Variants in NR5A2 observed in about 807,000 individuals in gnomAD.
NR5A2 encodes the protein CYP7A promoter-binding factor.
Under a neutral mutation model 62.7 loss-of-function variants are expected in NR5A2, and 26 were observed. The observed-to-expected ratio is 0.41, with a 90% confidence interval of 0.30 to 0.58. The LOEUF is 0.58. Ranked by LOEUF, NR5A2 falls within the 20% of genes least tolerant of loss-of-function variation. NR5A2 has a pLI of 0.22. For synonymous variants in NR5A2, 246 were observed against 241.7 expected, an observed-to-expected ratio of 1.02 and a Z score of -0.16; for missense variants, 541 against 669.1, an observed-to-expected ratio of 0.81 and a Z score of 2.11.
intron 1 of NR5A2, 141 bp downstream of exon 1, chr1:200,028,052 T>C (rs1197151572): frequency 4.1e-6 from 2 of 489,248 alleles, no homozygotes; most frequent in African/African-American, 2.0e-5. Flanking sequence ...CCTATGTATA[T>C]ATATCACACA....
chr1:200,105,133 A>AT (rs976975427), intron 5 of NR5A2, among the ~76,000 whole-genome samples: 3 of 151,638 alleles, frequency 2.0e-5, no homozygotes, highest in African/African-American at 4.8e-5. Context: ...TTTTTATTTT[A>AT]TTTTTTTGTA....
At chr1:200,144,389 A>G (rs1358983696) in intron 7 of NR5A2, among the ~76,000 whole-genome samples, 1 of 152,068 alleles carries the variant, frequency 6.6e-6, no homozygotes, top group Non-Finnish European at 1.5e-5. Context: ...TGCCCAACAA[A>G]CTGAGCAATT....
intron 5 of NR5A2, among the ~76,000 whole-genome samples, chr1:200,069,682 C>A (rs765419914): frequency 6.6e-6 from 1 of 152,142 alleles, no homozygotes; most frequent in Non-Finnish European, 1.5e-5. Flanking sequence ...TTTTGGAGGT[C>A]CTCATACTGC....
intron 6 of NR5A2, among the ~76,000 whole-genome samples, chr1:200,112,733 A>T (rs1328921549): frequency 6.6e-6 from 1 of 152,150 alleles, no homozygotes; most frequent in African/African-American, 2.4e-5. Context: ...TGTGCTTTCA[A>T]ATTTTTTTTG....
At chr1:200,167,797 A>G (rs1359677530) in intron 7 of NR5A2, among the ~76,000 whole-genome samples, 1 of 152,166 alleles carries the variant, frequency 6.6e-6, no homozygotes, top group Non-Finnish European at 1.5e-5. Context: ...GTTTGTATAT[A>G]GACCACTGTC....
chr1:200,062,309 A>G (rs1283332967), intron 5 of NR5A2, among the ~76,000 whole-genome samples: 2 of 150,134 alleles, frequency 1.3e-5, no homozygotes, highest in South Asian at 4.2e-4. Flanking sequence ...TCCTGTTTTC[A>G]CACACATTCT....
At chr1:200,033,469 C>T (rs1283603187) in intron 1 of NR5A2, among the ~76,000 whole-genome samples, 2 of 152,166 alleles carry the variant, frequency 1.3e-5, no homozygotes, top group East Asian at 3.9e-4. Flanking sequence ...AGTCCCACAC[C>T]CATGCTAGCA....
intron 5 of NR5A2, among the ~76,000 whole-genome samples, chr1:200,052,857 G>C (rs551353547): frequency 3.3e-5 from 5 of 152,120 alleles, no homozygotes; most frequent in Non-Finnish European, 7.4e-5. Context: ...AGCCAGGATG[G>C]TCTTGATCTC....
intron 7 of NR5A2, among the ~76,000 whole-genome samples, chr1:200,167,627 G>T (rs546242045): frequency 1.1e-4 from 16 of 152,092 alleles, no homozygotes; most frequent in Non-Finnish European, 2.2e-4. Flanking sequence ...CAGTGTTTCT[G>T]CCTTGCTTTT....
rs1490926111 is a variant in NR5A2 at position 200,062,257 on chromosome 1, G to GTGTGTGTGTGTGTGTGTGTGTGTA, written c.1110+13440_1110+13441insGTGTGTGTGTGTGTGTGTGTGTAT. ...TGTGTGTGTGTGTGTGTGTGTGTGT[G>GTGTGTGTGTGTGTGTGTGTGTGTA]TATCTGTGTCCATGTGTGTATCGCA... On this transcript the variant is annotated intron_variant, in intron 5 of 7. Coordinates refer to ENST00000367362, the MANE Select transcript of NR5A2 (RefSeq NM_205860.3). Among the ~76,000 whole-genome samples the GTGTGTGTGTGTGTGTGTGTGTGTA allele has an allele frequency of 3.6e-4, 55 of 151,598 alleles. 2 individuals are homozygous for GTGTGTGTGTGTGTGTGTGTGTGTA. In the East Asian group the frequency reaches 6.7e-3, roughly 18 times the overall value.
chr1:200,088,948 A>G (rs897537846), intron 5 of NR5A2, among the ~76,000 whole-genome samples: 6 of 151,798 alleles, frequency 4.0e-5, no homozygotes, highest in African/African-American at 1.5e-4. Context: ...ACTACTCAGT[A>G]CTCCTCTCTG....
chr1:200,067,795 CAAAA>C (rs1221233741), intron 5 of NR5A2, among the ~76,000 whole-genome samples: 2 of 152,242 alleles, frequency 1.3e-5, no homozygotes, highest in Admixed American at 1.3e-4. Flanking sequence ...TAAAAACACA[CAAAA>C]AAGACTAAGT....
intron 1 of NR5A2, among the ~76,000 whole-genome samples, chr1:200,034,237 C>A (rs368235515): frequency 6.6e-6 from 1 of 152,128 alleles, no homozygotes; most frequent in African/African-American, 2.4e-5. Context: ...CTGTTGGCCC[C>A]GAGGCTGGAC....
At chr1:200,066,909 C>A (rs768820605) in intron 5 of NR5A2, among the ~76,000 whole-genome samples, 3 of 152,174 alleles carry the variant, frequency 2.0e-5, no homozygotes, top group Non-Finnish European at 4.4e-5. Context: ...TGGCAGTAGT[C>A]AAGACATTCT....
At chr1:200,133,648 T>TTA (rs564066894) in intron 7 of NR5A2, among the ~76,000 whole-genome samples, 63 of 149,622 alleles carry the variant, frequency 4.2e-4, no homozygotes, top group African/African-American at 1.2e-3. Flanking sequence ...CATATATACA[T>TTA]TATATATATA....
chr1:200,119,917 T>C (rs1029576521), intron 6 of NR5A2, among the ~76,000 whole-genome samples: 6 of 152,104 alleles, frequency 3.9e-5, no homozygotes, highest in Admixed American at 6.5e-5. Context: ...CCAGCACTTT[T>C]TTTTTTTTAA....
intron 5 of NR5A2, among the ~76,000 whole-genome samples, chr1:200,102,006 G>A (rs1198922960): frequency 6.6e-6 from 1 of 152,084 alleles, no homozygotes; most frequent in African/African-American, 2.4e-5. Context: ...ATACAATACT[G>A]TAAACCTCAA....
chr1:200,123,372 G>C (rs996479846), intron 7 of NR5A2, among the ~76,000 whole-genome samples: 2 of 152,254 alleles, frequency 1.3e-5, no homozygotes, highest in Admixed American at 6.5e-5. Context: ...TTAAAGGCAA[G>C]AGAGAGCAAA....
At chr1:200,083,756 C>T (rs935121041) in intron 5 of NR5A2, among the ~76,000 whole-genome samples, 5 of 151,738 alleles carry the variant, frequency 3.3e-5, no homozygotes, top group Middle Eastern at 3.2e-3. Flanking sequence ...CACCTGAGGC[C>T]GGGAGTTCAA....
Sources: gnomAD v4.1 joint callset for allele counts (sites outside exome capture counted in the v4.1 genomes callset) on GRCh38, gnomAD v4.1.1 for gene constraint, MANE v1.5 for transcripts, NCBI Gene and HGNC (gene_info 2026-07-23, HGNC 2026-07-21) for gene names.